GPC5: variants seen among roughly 807,000 people sequenced by gnomAD.
GPC5 encodes glypican-5.
GPC5 carries 47 observed loss-of-function variants against 53.9 expected under a neutral mutation model. The observed-to-expected ratio is 0.87, with a 90% CI of 0.69 to 1.11. GPC5 has a LOEUF of 1.11. Among genes scored for constraint, GPC5 ranks in the 50% most tolerant of loss-of-function variants. The pLI is 0.00. For missense variants in GPC5, 748 were observed against 713.1 expected (o/e 1.05, Z -0.56); for synonymous variants, 286 against 263.3 (o/e 1.09, Z -0.84).
intron 5 of GPC5, among the ~76,000 whole-genome samples, chr13:91,872,547 A>G (rs925517690): frequency 3.3e-5 from 5 of 152,170 alleles, no homozygotes; most frequent in Non-Finnish European, 7.4e-5. Context: ...CAAGAAAATT[A>G]AGGTGTTAAT....
At chr13:92,019,234 A>G (rs2040735559) in intron 6 of GPC5, among the ~76,000 whole-genome samples, 1 of 148,944 alleles carries the variant, frequency 6.7e-6, no homozygotes, top group African/African-American at 2.5e-5. Context: ...TCTATATATT[A>G]TAGCTTAATA....
At chr13:92,151,992 A>T (rs1167084884) in intron 7 of GPC5, among the ~76,000 whole-genome samples, 1 of 152,224 alleles carries the variant, frequency 6.6e-6, no homozygotes, top group East Asian at 1.9e-4. Flanking sequence ...TCAGCAACTG[A>T]CAATAGGGAT....
At chr13:92,725,783 A>C (rs1888629877) in intron 7 of GPC5, among the ~76,000 whole-genome samples, 1 of 151,590 alleles carries the variant, frequency 6.6e-6, no homozygotes, top group Non-Finnish European at 1.5e-5. Flanking sequence ...AATTTGAGAA[A>C]AATTTAGATC....
intron 6 of GPC5, among the ~76,000 whole-genome samples, chr13:92,134,043 G>T (rs2138966004): frequency 6.6e-6 from 1 of 152,180 alleles, no homozygotes; most frequent in Middle Eastern, 3.4e-3. Flanking sequence ...ATACACTCTT[G>T]GTAGTATGGG....
At chr13:92,356,275 G>A (rs1290514506) in intron 7 of GPC5, among the ~76,000 whole-genome samples, 1 of 152,180 alleles carries the variant, frequency 6.6e-6, no homozygotes, top group East Asian at 1.9e-4. Context: ...CAGAGAAAGA[G>A]ATGTGGGAAA....
At chr13:92,538,613 G>A (rs1336188051) in intron 7 of GPC5, among the ~76,000 whole-genome samples, 7 of 143,936 alleles carry the variant, frequency 4.9e-5, no homozygotes, top group African/African-American at 1.8e-4. Flanking sequence ...CCCTCCCCTT[G>A]CAACTCACCA....
intron 2 of GPC5, among the ~76,000 whole-genome samples, chr13:91,610,561 C>T (rs1427812033): frequency 6.6e-6 from 1 of 152,190 alleles, no homozygotes; most frequent in Non-Finnish European, 1.5e-5. Context: ...CAGTGTGTCT[C>T]ACTCTGAGAC....
chr13:92,140,194 T>C (rs967412023), intron 6 of GPC5, among the ~76,000 whole-genome samples: 2 of 152,160 alleles, frequency 1.3e-5, no homozygotes, highest in Non-Finnish European at 2.9e-5. Flanking sequence ...GAGAAGAATG[T>C]AAAAGAAGCA....
intron 7 of GPC5, among the ~76,000 whole-genome samples, chr13:92,276,217 C>G (rs1056385661): frequency 1.3e-5 from 2 of 152,118 alleles, no homozygotes; most frequent in African/African-American, 4.8e-5. Context: ...TTGTAACATA[C>G]TGTCACACAA....
At chr13:92,381,095 G>A (rs2043735312) in intron 7 of GPC5, among the ~76,000 whole-genome samples, 1 of 152,134 alleles carries the variant, frequency 6.6e-6, no homozygotes, top group Admixed American at 6.5e-5. Flanking sequence ...ATATTTTAAT[G>A]TGAACACAGG....
chr13:92,717,536 G>T (rs898117192), intron 7 of GPC5, among the ~76,000 whole-genome samples: 2 of 152,136 alleles, frequency 1.3e-5, no homozygotes, highest in Non-Finnish European at 2.9e-5. Context: ...GAGAGAAGCT[G>T]TTGTTACATT....
At chr13:92,025,362 C>T (rs779602962) in intron 6 of GPC5, among the ~76,000 whole-genome samples, 12 of 152,042 alleles carry the variant, frequency 7.9e-5, no homozygotes, top group Non-Finnish European at 1.2e-4. Flanking sequence ...CTTCTGTGTA[C>T]ACAGAGAAAG....
chr13:92,179,708 C>T (rs549170743), intron 7 of GPC5, among the ~76,000 whole-genome samples: 12 of 152,214 alleles, frequency 7.9e-5, no homozygotes, highest in African/African-American at 2.6e-4. Flanking sequence ...ATATTCAGGG[C>T]CTAGTGGCTT....
intron 7 of GPC5, among the ~76,000 whole-genome samples, chr13:92,637,978 G>GA (rs1885465816): frequency 6.6e-6 from 1 of 152,090 alleles, no homozygotes; most frequent in Admixed American, 6.6e-5. Flanking sequence ...CTGTAGAGAT[G>GA]AAATCAAAAG....
At chr13:91,581,624 T>A (rs1400832720) in intron 2 of GPC5, among the ~76,000 whole-genome samples, 9 of 152,240 alleles carry the variant, frequency 5.9e-5, no homozygotes, top group Non-Finnish European at 1.3e-4. Flanking sequence ...AACATCAATT[T>A]GCTTGTGCAT....
At chr13:92,474,030 A>G (rs994075664) in intron 7 of GPC5, among the ~76,000 whole-genome samples, 19 of 152,160 alleles carry the variant, frequency 1.2e-4, no homozygotes, top group Non-Finnish European at 2.2e-4. Context: ...TTGCCTTGCT[A>G]AAGTCCCAAA....
At chr13:92,675,969 A>G (rs12875722) in intron 7 of GPC5, among the ~76,000 whole-genome samples, 33,613 of 152,042 alleles carry the variant, frequency 0.22, 4,385 homozygotes, top group South Asian at 0.36. Context: ...AACCACGTAT[A>G]TCCTCCCATC....
intron 7 of GPC5, among the ~76,000 whole-genome samples, chr13:92,271,629 T>A (rs1177558117): frequency 6.6e-6 from 1 of 152,168 alleles, no homozygotes; most frequent in Non-Finnish European, 1.5e-5. Flanking sequence ...TTAGTAAGGA[T>A]GTAAGGCATA....
chr13:92,345,534 C>T (rs1376549239), intron 7 of GPC5, among the ~76,000 whole-genome samples: 2 of 152,116 alleles, frequency 1.3e-5, no homozygotes, highest in Non-Finnish European at 2.9e-5. Flanking sequence ...ATAAAAACCA[C>T]GCATCTTTTT....
Sources: allele counts gnomAD v4.1 joint callset (sites outside exome capture counted in the v4.1 genomes callset), GRCh38; gene constraint gnomAD v4.1.1; transcripts MANE v1.5; gene names NCBI Gene and HGNC (gene_info 2026-07-23, HGNC 2026-07-21).